SYNE2: variants seen among roughly 807,000 people sequenced by gnomAD.
SYNE2 encodes nesprin-2.
Under a neutral mutation model 856.3 loss-of-function variants are expected in SYNE2, and 431 were observed. The ratio of observed to expected loss-of-function variants is 0.50; its 90% CI spans 0.47 to 0.55. SYNE2 has a LOEUF of 0.55. SYNE2 is among the 20% of genes least tolerant of loss of function. The pLI, the probability that SYNE2 is intolerant of heterozygous loss-of-function variation, is 0.00. For synonymous variants in SYNE2, 2,923 were observed against 2,872.3 expected, an observed-to-expected ratio of 1.02 and a Z score of -0.56; for missense variants, 8,129 against 8,023.2, an observed-to-expected ratio of 1.01 and a Z score of -0.50.
intron 1 of SYNE2, among the ~76,000 whole-genome samples, chr14:63,781,560 C>G (rs1887311464): frequency 6.6e-6 from 1 of 151,198 alleles, no homozygotes; most frequent in Non-Finnish European, 1.5e-5. Flanking sequence ...TCTTGGAAAG[C>G]CACTGTTTTC....
At chr14:63,866,788 A>G (rs182252469) in intron 1 of SYNE2, among the ~76,000 whole-genome samples, 7 of 152,330 alleles carry the variant, frequency 4.6e-5, no homozygotes, top group African/African-American at 1.7e-4. Context: ...CCTAGGCAAC[A>G]TAGTGAGATC....
chr14:63,958,172 A>G (rs1038098998), intron 8 of SYNE2, among the ~76,000 whole-genome samples: 4 of 152,262 alleles, frequency 2.6e-5, no homozygotes, highest in African/African-American at 4.8e-5. Context: ...ACATTAGTAT[A>G]GTACATTTGT....
intron 2 of SYNE2, among the ~76,000 whole-genome samples, chr14:63,926,118 AC>A (rs1260446841): frequency 6.6e-6 from 1 of 152,094 alleles, no homozygotes; most frequent in Non-Finnish European, 1.5e-5. Flanking sequence ...TGTTAGGATT[AC>A]AGGTGTGAGC....
In SYNE2 at chr14:64,000,702, G is replaced by A. The variant is rs1201240153; in HGVS notation, c.3621G>A (p.Gln1207=). ...TAAAGGAAAGAGAAAGAGAGCTTCAGATGACTCTTAATACCAGGTAAAATT... is the reference window on the plus strand; with the variant it reads ...TAAAGGAAAGAGAAAGAGAGCTTCAAATGACTCTTAATACCAGGTAAAATT... ...DTLKEREREL[Q]MTLNTRMESL... Residue 1207 remains glutamine, a synonymous_variant, in exon 28 of 116, where the codon CAG becomes CAA. Transcript: ENST00000555002. 5.6e-6 allele frequency: 9 copies of A among 1,612,826 alleles called. No homozygotes were observed. The highest frequency in any genetic ancestry group is 7.6e-6 in the Non-Finnish European group (9 of 1,179,564).
At chr14:63,858,748 CAG>C (rs1762549874) in intron 1 of SYNE2, among the ~76,000 whole-genome samples, 1 of 152,072 alleles carries the variant, frequency 6.6e-6, no homozygotes, top group African/African-American at 2.4e-5. Context: ...TAAATTTCAC[CAG>C]AGTTTTGGAG....
At chr14:63,875,237 T>C (rs985339274) in intron 1 of SYNE2, among the ~76,000 whole-genome samples, 3 of 152,132 alleles carry the variant, frequency 2.0e-5, no homozygotes, top group Admixed American at 6.6e-5. Flanking sequence ...TTTTAAGGAA[T>C]CCTGATTTTA....
At position 64,224,601 on chromosome 14, in the gene SYNE2, T is replaced by G. The variant is rs1049339008; in HGVS notation, c.20469+54T>G. ...CTCACTGGTTATTTTTTAAAGTCAC[T>G]AAGATGAGGGAAGCTTGGGATTCCA... On this transcript the variant is annotated intron_variant, in intron 114 of 115. Coordinates refer to ENST00000555002, the MANE Select transcript of SYNE2 (RefSeq NM_182914.3). The G allele has an allele frequency of 2.5e-6, 4 of 1,595,744 alleles. No homozygotes were observed. In the African/African-American group the frequency reaches 5.4e-5, roughly 21 times the overall value.
chr14:64,214,052 G>A, intron 105 of SYNE2, 142 bp from the exon 106 acceptor site: 1 of 1,274,576 alleles, frequency 7.8e-7, no homozygotes, highest in South Asian at 1.4e-5. Context: ...CAGGACCTGG[G>A]AACCTGATCT....
chr14:64,225,824 CTGGTTT>C lies in SYNE2; in HGVS notation c.*299_*304del. The C allele has an allele frequency of 1.7e-6, 1 of 588,688 alleles. No individual in the cohort carries two copies. Among genetic ancestry groups the C allele is most frequent in the South Asian group, 2.1e-5 (1 of 47,158 alleles). The allele number at this position is 588,688 out of a possible 1,614,324, so 36.5% of individuals were successfully genotyped here. A position where few individuals can be genotyped will look rare whatever the true frequency, so the allele number is the denominator to read the frequency against. ...TGAAGAGCCAAGCACTTTGTGAATT[CTGGTTT>C]GTTTGTAAAACAGCATTATTATAAT... On this transcript the variant is annotated 3_prime_UTR_variant, in exon 116 of 116. Coordinates refer to ENST00000555002, the MANE Select transcript of SYNE2 (RefSeq NM_182914.3).
At chr14:64,120,152 T>A (rs1413126320) in intron 67 of SYNE2, among the ~76,000 whole-genome samples, 1 of 152,320 alleles carries the variant, frequency 6.6e-6, no homozygotes, top group East Asian at 1.9e-4. Context: ...AAGATTTGCA[T>A]GTGCTTATGA....
intron 11 of SYNE2, among the ~76,000 whole-genome samples, chr14:63,970,049 T>TAGTC (rs2153456999): frequency 6.6e-6 from 1 of 152,342 alleles, no homozygotes; most frequent in South Asian, 2.1e-4. Context: ...TATACCAGTA[T>TAGTC]AGTCATTCCA....
chr14:63,950,844 A>T (rs989177655), intron 7 of SYNE2, among the ~76,000 whole-genome samples: 2 of 151,884 alleles, frequency 1.3e-5, no homozygotes, highest in African/African-American at 4.8e-5. Context: ...TTTTGTAGAG[A>T]TGGGGTTTTG....
Position 63,798,189 on chromosome 14 carries a change from A to G in SYNE2, c.-305+36203A>G, listed in dbSNP as rs1161748928. On this transcript the variant is annotated intron_variant, in intron 1 of 23. Transcript: ENST00000674003. The stretch of plus-strand genomic sequence containing the variant: ...TAAGTATCTGTGACTATGGGTGCAC[A>G]CCACCACGCTCAGCTGTTTTTTTGG... Among the ~76,000 whole-genome samples, 3 of 151,998 alleles carry G rather than the reference A, an allele frequency of 2.0e-5. No homozygotes were observed. The East Asian group carries it at 5.8e-4, about 29-fold the overall frequency.
At chr14:64,018,237 T>A (rs1048605277) in intron 34 of SYNE2, among the ~76,000 whole-genome samples, 1 of 152,060 alleles carries the variant, frequency 6.6e-6, no homozygotes, top group Non-Finnish European at 1.5e-5. Context: ...GTTACCAGAC[T>A]TTTTCTTTTC....
chr14:64,064,884 A>C (rs1295355916), intron 50 of SYNE2, among the ~76,000 whole-genome samples: 7 of 128,562 alleles, frequency 5.4e-5, no homozygotes, highest in East Asian at 4.5e-4. Context: ...ACGGAGTCTC[A>C]CTCTGTTGCC....
intron 2 of SYNE2, among the ~76,000 whole-genome samples, chr14:63,919,249 CA>C (rs1415384316): frequency 6.6e-6 from 1 of 152,158 alleles, no homozygotes; most frequent in East Asian, 1.9e-4. Context: ...TCAAGAAGTA[CA>C]TCAGCGTATG....
At chr14:64,110,048 C>A (rs2097794603) in intron 65 of SYNE2, among the ~76,000 whole-genome samples, 1 of 152,114 alleles carries the variant, frequency 6.6e-6, no homozygotes, top group African/African-American at 2.4e-5. Flanking sequence ...ATTCTAGGGG[C>A]ATGCTTTTCA....
intron 51 of SYNE2, among the ~76,000 whole-genome samples, chr14:64,067,176 AT>A (rs1280079401): frequency 6.6e-6 from 1 of 152,090 alleles, no homozygotes; most frequent in Non-Finnish European, 1.5e-5. Context: ...CTAACAAAAT[AT>A]TTTTCAAAGA....
intron 1 of SYNE2, among the ~76,000 whole-genome samples, chr14:63,788,133 T>C (rs892206809): frequency 6.6e-6 from 1 of 152,156 alleles, no homozygotes; most frequent in Non-Finnish European, 1.5e-5. Context: ...TGCGACAGCA[T>C]CCCTGCTCAT....
Sources: gnomAD v4.1 joint callset for allele counts (sites outside exome capture counted in the v4.1 genomes callset) on GRCh38, gnomAD v4.1.1 for gene constraint, MANE v1.5 for transcripts, NCBI Gene and HGNC (gene_info 2026-07-23, HGNC 2026-07-21) for gene names.